The following GPHN variants were observed in gnomAD, a reference collection of about 807,000 sequenced individuals.
GPHN encodes gephyrin.
A neutral mutation model predicts 95.5 loss-of-function variants in GPHN; 17 were observed. The observed-to-expected ratio is 0.18, with a 90% CI of 0.12 to 0.27. The LOEUF (loss-of-function observed/expected upper bound fraction) is 0.27. GPHN is among the 10% of genes least tolerant of loss of function. The probability of loss-of-function intolerance (pLI) is 1.00; values close to 1 mark genes in which losing one functional copy is unlikely to be tolerated. For synonymous variants in GPHN, 320 were observed against 322.5 expected, an observed-to-expected ratio of 0.99 and a Z score of 0.08; for missense variants, 660 against 978.1, an observed-to-expected ratio of 0.67 and a Z score of 4.34.
intron 2 of GPHN, 128 bp downstream of exon 2, chr14:66,681,313 T>C (rs2066921330): frequency 9.0e-6 from 6 of 665,662 alleles, no homozygotes; most frequent in Non-Finnish European, 1.6e-5. Flanking sequence ...TAATGCGTTT[T>C]ACACATATTG....
the GPHN span, chr14:67,340,223 G>T: frequency 2.1e-6 from 1 of 472,378 alleles, no homozygotes; most frequent in Non-Finnish European, 3.8e-6. Flanking sequence ...TCTCTGAAAG[G>T]CCTAAGTTTT....
At chr14:66,651,460 C>A (rs914184494) in intron 1 of GPHN, among the ~76,000 whole-genome samples, 5 of 152,170 alleles carry the variant, frequency 3.3e-5, no homozygotes, top group East Asian at 1.9e-4. Context: ...GATCACCTAT[C>A]TCGGCTTTCA....
At chr14:67,232,707 T>A in the GPHN span, among the ~76,000 whole-genome samples, 1 of 152,224 alleles carries the variant, frequency 6.6e-6, no homozygotes, top group African/African-American at 2.4e-5. Flanking sequence ...ACCAAGATCC[T>A]AGGTATATTC....
chr14:66,727,451 A>G (rs1435048862), intron 2 of GPHN, among the ~76,000 whole-genome samples: 1 of 152,206 alleles, frequency 6.6e-6, no homozygotes, highest in Non-Finnish European at 1.5e-5. Context: ...AGACAGGAAA[A>G]TGTGGGAAAG....
intron 20 of GPHN, among the ~76,000 whole-genome samples, chr14:67,168,445 T>A (rs2082407284): frequency 6.6e-6 from 1 of 152,152 alleles, no homozygotes. Flanking sequence ...AATCATTTGG[T>A]GTTTTTTTTT....
At chr14:66,720,846 T>C (rs1951355) in intron 2 of GPHN, among the ~76,000 whole-genome samples, 47,825 of 151,974 alleles carry the variant, frequency 0.31, 11,507 homozygotes, top group African/African-American at 0.65. Context: ...GCCTTATTGA[T>C]GGAGAGAGAT....
chr14:67,458,759 T>C, the GPHN span, among the ~76,000 whole-genome samples: 2 of 152,212 alleles, frequency 1.3e-5, no homozygotes, highest in Non-Finnish European at 2.9e-5. Context: ...TCTCACTCTG[T>C]CACCCAGGCT....
At chr14:66,583,052 T>G (rs1231540211) in intron 1 of GPHN, among the ~76,000 whole-genome samples, 1 of 151,932 alleles carries the variant, frequency 6.6e-6, no homozygotes, top group Non-Finnish European at 1.5e-5. Context: ...ACCTGTTGTT[T>G]CCTGACTTTT....
chr14:66,937,327 C>CA (rs963034067), intron 8 of GPHN, among the ~76,000 whole-genome samples: 13 of 151,188 alleles, frequency 8.6e-5, no homozygotes, highest in Admixed American at 2.0e-4. Context: ...TTATTTACCA[C>CA]AAAAAAATGT....
At chr14:67,303,506 G>C in the GPHN span, 1 of 1,594,582 alleles carries the variant, frequency 6.3e-7, no homozygotes, top group Non-Finnish European at 8.6e-7. Context: ...AAAATAACCT[G>C]ATCTTTCTAT....
chr14:66,629,217 A>ATATAAATATATATTTATATACG (rs1566729649), intron 1 of GPHN, among the ~76,000 whole-genome samples: 10 of 106,770 alleles, frequency 9.4e-5, no homozygotes, highest in African/African-American at 6.3e-4. Context: ...ATTTATATAC[A>ATATAAATATATATTTATATACG]TATATAAATA....
chr14:67,264,346 A>G, the GPHN span, among the ~76,000 whole-genome samples: 50 of 152,284 alleles, frequency 3.3e-4, no homozygotes, highest in South Asian at 1.7e-3. Context: ...AGTATTAGCT[A>G]TGATCACTAA....
At chr14:66,955,448 G>T (rs2068426477) in intron 8 of GPHN, among the ~76,000 whole-genome samples, 1 of 152,038 alleles carries the variant, frequency 6.6e-6, no homozygotes, top group Admixed American at 6.6e-5. Flanking sequence ...TTTCATTTCG[G>T]TAAGCTCAAC....
intron 1 of GPHN, among the ~76,000 whole-genome samples, chr14:66,522,372 T>C (rs1480414387): frequency 6.6e-6 from 1 of 152,130 alleles, no homozygotes; most frequent in Non-Finnish European, 1.5e-5. Context: ...GTCCGGGAGA[T>C]GTTATAGTAT....
At chr14:67,486,771 T>A in the GPHN span, among the ~76,000 whole-genome samples, 3 of 152,178 alleles carry the variant, frequency 2.0e-5, no homozygotes, top group Non-Finnish European at 4.4e-5. Flanking sequence ...GAAAACAAAC[T>A]AATACACTGG....
At chr14:67,727,385 C>T in the GPHN span, 23 of 595,970 alleles carry the variant, frequency 3.9e-5, no homozygotes, top group African/African-American at 4.1e-4. Flanking sequence ...GGGTTAAGAA[C>T]CTCAAAAAGT....
At chr14:67,597,501 CAAA>C in the GPHN span, among the ~76,000 whole-genome samples, 1 of 139,954 alleles carries the variant, frequency 7.1e-6, no homozygotes, top group Non-Finnish European at 1.6e-5. Flanking sequence ...AAACCTGTCT[CAAA>C]AAAAAAAAAA....
At chr14:67,364,616 A>T in the GPHN span, 1 of 712,042 alleles carries the variant, frequency 1.4e-6, no homozygotes, top group Non-Finnish European at 2.2e-6. Context: ...GTTTTCTGGT[A>T]CCACTTAAGA....
the GPHN span, among the ~76,000 whole-genome samples, chr14:67,423,656 G>T: frequency 6.6e-6 from 1 of 152,180 alleles, no homozygotes; most frequent in Non-Finnish European, 1.5e-5. Flanking sequence ...GGAGAGAACC[G>T]CAGAGAGGAA....
Sources: allele counts gnomAD v4.1 joint callset (sites outside exome capture counted in the v4.1 genomes callset), GRCh38; gene constraint gnomAD v4.1.1; transcripts MANE v1.5; gene names NCBI Gene and HGNC (gene_info 2026-07-23, HGNC 2026-07-21).